The following PDLIM3 variants were observed in gnomAD, a reference collection of about 807,000 sequenced individuals.
The protein encoded by PDLIM3 is PDZ and LIM domain protein 3.
Under a neutral mutation model 37.3 loss-of-function variants are expected in PDLIM3, and 36 were observed. The ratio of observed to expected loss-of-function variants is 0.97; its 90% CI spans 0.74 to 1.28. PDLIM3 has a LOEUF of 1.28. Among genes scored for constraint, PDLIM3 ranks in the 50% most tolerant of loss-of-function variants. The probability of loss-of-function intolerance (pLI) is 0.00; values close to 1 mark genes in which losing one functional copy is unlikely to be tolerated. For missense variants in PDLIM3, 454 were observed against 485.0 expected (o/e 0.94, Z 0.60); for synonymous variants, 174 against 182.4 (o/e 0.95, Z 0.37).
Position 185,501,479 on chromosome 4 carries a change from T to C in PDLIM3, c.*815A>G, listed in dbSNP as rs1269483810. The stretch of plus-strand genomic sequence containing the variant: ...TTTGAACCTTCAATTTGACTGAATA[T>C]TGATCTGAAAGAGATATTTAAATTG... On this transcript the variant is annotated 3_prime_UTR_variant, in exon 8 of 8. Transcript: ENST00000284767. 2 of 152,212 alleles carry C rather than the reference T, an allele frequency of 1.3e-5. No individual in the cohort carries two copies. The highest frequency in any genetic ancestry group is 4.8e-5 in the African/African-American group (2 of 41,444). The allele number at this position is 152,212 out of a possible 1,614,324, so 9.4% of individuals were successfully genotyped here.
intron 1 of PDLIM3, 107 bp from the exon 2 acceptor site, chr4:185,525,278 G>T: frequency 1.9e-6 from 2 of 1,073,418 alleles, no homozygotes; most frequent in South Asian, 1.3e-5. Context: ...GTTTAATTGG[G>T]CAGAAAGACT....
chr4:185,512,088 TAA>T (rs1240429946), intron 4 of PDLIM3: 3 of 124,030 alleles, frequency 2.4e-5, no homozygotes, highest in Non-Finnish European at 5.0e-5. Flanking sequence ...GGCACTCTTA[TAA>T]TTCTTTTTTT....
intron 7 of PDLIM3, among the ~76,000 whole-genome samples, chr4:185,503,154 G>A (rs2095690189): frequency 6.6e-6 from 1 of 152,168 alleles, no homozygotes; most frequent in Non-Finnish European, 1.5e-5. Flanking sequence ...AACCCGGGAG[G>A]CGGAGGTTGC....
intron 5 of PDLIM3, 145 bp from the exon 6 acceptor site, chr4:185,506,797 A>G: frequency 1.4e-6 from 1 of 703,174 alleles, no homozygotes; most frequent in Non-Finnish European, 2.4e-6. Flanking sequence ...AATCTCTAGT[A>G]TAGTTAAAAG....
At chr4:185,505,733 T>C (rs1053312076) in intron 6 of PDLIM3, among the ~76,000 whole-genome samples, 2 of 152,218 alleles carry the variant, frequency 1.3e-5, no homozygotes, top group Admixed American at 1.3e-4. Context: ...GTGTTTAACT[T>C]TTCCAGGAGC....
chr4:185,526,397 C>T (rs546296989), intron 1 of PDLIM3, among the ~76,000 whole-genome samples: 1 of 152,264 alleles, frequency 6.6e-6, no homozygotes, highest in South Asian at 2.1e-4. Flanking sequence ...AAAACAGAGA[C>T]TATCAAACTA....
intron 1 of PDLIM3, among the ~76,000 whole-genome samples, chr4:185,533,002 C>T (rs565964595): frequency 1.3e-5 from 2 of 152,230 alleles, no homozygotes; most frequent in South Asian, 4.2e-4. Context: ...AGAATGCAGG[C>T]TTTGGAGGCA....
chr4:185,510,953 C>A (rs567571629), intron 4 of PDLIM3, among the ~76,000 whole-genome samples: 4 of 152,258 alleles, frequency 2.6e-5, no homozygotes, highest in Non-Finnish European at 5.9e-5. Context: ...TGGGTCACCA[C>A]GACCTGTTCC....
At position 185,514,117 on chromosome 4, in the gene PDLIM3, T is replaced by G; in HGVS notation, c.398+153A>C. 6.5e-7 allele frequency: 1 copy of G among 1,531,308 alleles called. No homozygotes were observed. The allele number at this position is 1,531,308 out of a possible 1,614,324, so 94.9% of individuals were successfully genotyped here. A position where few individuals can be genotyped will look rare whatever the true frequency, so the allele number is the denominator to read the frequency against. ...AATGCAAGTTATTTGGCTTCTGTTC[T>G]CTGCCAAGTGAGTTTGTTTCTTTTT... On this transcript the variant is annotated intron_variant, in intron 4 of 7. Coordinates refer to ENST00000284767, the MANE Select transcript of PDLIM3 (RefSeq NM_014476.6). The surrounding 1 kb of genome is among the most constrained non-coding windows in gnomAD (Gnocchi z 4.0).
At chr4:185,508,229 GAC>G in intron 5 of PDLIM3, 68 bp downstream of exon 5, 1 of 1,420,826 alleles carries the variant, frequency 7.0e-7, no homozygotes, top group Non-Finnish European at 1.0e-6. Context: ...AATGTTAAAA[GAC>G]ACCAGTAAAG....
chr4:185,521,402 T>TC lies in PDLIM3; in HGVS notation c.330+1959_330+1960insG, dbSNP rs2095723349. 3.4e-5 allele frequency among the ~76,000 whole-genome samples: 2 copies of TC among 58,086 alleles called. 1 individual carries two copies. Among genetic ancestry groups the TC allele is most frequent in the African/African-American group, 6.0e-5 (2 of 33,234 alleles). The allele number at this position is 58,086 out of a possible 152,430, so 38.1% of individuals were successfully genotyped here. A position where few individuals can be genotyped will look rare whatever the true frequency, so the allele number is the denominator to read the frequency against. ...CCACTCAACTTTCTTTTCTTTTCTTTTTTTTTTTTTTTGAGACAGGGTCTT... is the reference window on the plus strand; with the variant it reads ...CCACTCAACTTTCTTTTCTTTTCTTTCTTTTTTTTTTTTGAGACAGGGTCTT... On this transcript the variant is annotated intron_variant, in intron 3 of 7. Coordinates refer to ENST00000284767, the MANE Select transcript of PDLIM3 (RefSeq NM_014476.6).
At chr4:185,508,256 G>T in intron 5 of PDLIM3, 43 bp downstream of exon 5, 2 of 1,589,088 alleles carry the variant, frequency 1.3e-6, no homozygotes, top group Non-Finnish European at 1.7e-6. Flanking sequence ...CATTGCCCAC[G>T]TGTTTAGTTA....
At chr4:185,523,776 G>A (rs188899655) in intron 2 of PDLIM3, among the ~76,000 whole-genome samples, 16 of 151,834 alleles carry the variant, frequency 1.1e-4, no homozygotes, top group African/African-American at 3.1e-4. Context: ...CCACCACCAT[G>A]CCTGGCTAAT....
intron 3 of PDLIM3, among the ~76,000 whole-genome samples, chr4:185,518,991 C>T (rs186460299): frequency 6.3e-4 from 96 of 152,212 alleles, no homozygotes; most frequent in African/African-American, 2.2e-3. Flanking sequence ...GTTCCACTAA[C>T]ATTAAGCAAA....
At chr4:185,516,736 A>C (rs1291189722) in intron 3 of PDLIM3, 1 of 152,098 alleles carries the variant, frequency 6.6e-6, no homozygotes, top group Non-Finnish European at 1.5e-5. Flanking sequence ...GGAGCCTTTG[A>C]CTCCACCCAC....
At chr4:185,529,875 G>C (rs975748167) in intron 1 of PDLIM3, among the ~76,000 whole-genome samples, 1 of 152,212 alleles carries the variant, frequency 6.6e-6, no homozygotes, top group Middle Eastern at 3.4e-3. Context: ...ATCTGGGTCC[G>C]CCTCGCTCTA....
intron 4 of PDLIM3, chr4:185,512,096 T>C (rs953169720): frequency 9.4e-6 from 1 of 106,814 alleles, no homozygotes; most frequent in Non-Finnish European, 2.3e-5. Context: ...TATAATTCTT[T>C]TTTTTTTTTT....
intron 1 of PDLIM3, among the ~76,000 whole-genome samples, chr4:185,534,980 G>A (rs2095750964): frequency 6.6e-6 from 1 of 152,248 alleles, no homozygotes; most frequent in African/African-American, 2.4e-5. Context: ...GAAGGGCGAT[G>A]GGGTGTGTTT....
intron 4 of PDLIM3, among the ~76,000 whole-genome samples, chr4:185,508,864 A>G (rs942341292): frequency 6.6e-6 from 1 of 152,254 alleles, no homozygotes; most frequent in Non-Finnish European, 1.5e-5. Flanking sequence ...GAAAAGTTGT[A>G]TATGAAGTAG....
Sources: gnomAD v4.1 joint callset for allele counts (sites outside exome capture counted in the v4.1 genomes callset) on GRCh38, gnomAD v4.1.1 for gene constraint, Gnocchi (gnomAD v3.1) non-coding constraint, MANE v1.5 for transcripts, NCBI Gene and HGNC (gene_info 2026-07-23, HGNC 2026-07-21) for gene names.